The following ANKRD44 variants were observed in gnomAD, a reference collection of about 807,000 sequenced individuals.
The protein encoded by ANKRD44 is ankyrin repeat domain 44.
Under a neutral mutation model 116.0 loss-of-function variants are expected in ANKRD44, and 35 were observed. The ratio of observed to expected loss-of-function variants is 0.30; its 90% confidence interval spans 0.23 to 0.40. The LOEUF (loss-of-function observed/expected upper bound fraction) is 0.40, where lower values mean the gene tolerates loss of function less well. Among genes scored for constraint, ANKRD44 ranks in the 10% least tolerant of loss-of-function variants. The pLI, the probability that ANKRD44 is intolerant of heterozygous loss-of-function variation, is 1.00. For missense variants in ANKRD44, 1,014 were observed against 1,242.6 expected, an observed-to-expected ratio of 0.82 and a Z score of 2.77; for synonymous variants, 435 against 461.8, an observed-to-expected ratio of 0.94 and a Z score of 0.74.
chr2:197,287,878 G>A (rs543991223), intron 1 of ANKRD44, among the ~76,000 whole-genome samples: 12 of 151,852 alleles, frequency 7.9e-5, no homozygotes, highest in African/African-American at 2.2e-4. Flanking sequence ...AAATTAGCCC[G>A]GTGTGGTGGC....
At chr2:197,297,561 T>C (rs190230348) in intron 1 of ANKRD44, among the ~76,000 whole-genome samples, 77 of 152,308 alleles carry the variant, frequency 5.1e-4, no homozygotes, top group Middle Eastern at 6.8e-3. Flanking sequence ...AAGTATTATT[T>C]TACCCATCTT....
intron 9 of ANKRD44, among the ~76,000 whole-genome samples, chr2:197,106,821 T>C (rs1336705877): frequency 6.8e-6 from 1 of 147,930 alleles, no homozygotes; most frequent in African/African-American, 2.5e-5. Context: ...TTTTTTTTTT[T>C]CAGGAAAACA....
chr2:197,095,221 T>G (rs1338154064), intron 10 of ANKRD44, among the ~76,000 whole-genome samples: 2 of 152,252 alleles, frequency 1.3e-5, no homozygotes, highest in African/African-American at 4.8e-5. Flanking sequence ...GAGTGGCCCT[T>G]TATCACCACA....
rs566855003 is a variant in ANKRD44, at chr2:197,223,372, G to T, written c.28-36266C>A. ...CCATAAATAATGTAGTTTTTTAAAG[G>T]TTTACATAAATGGATTTAGAGGGCA... is the stretch of plus-strand genomic sequence containing the variant. On this transcript the variant is annotated intron_variant, in intron 1 of 27. Coordinates refer to ENST00000282272, the MANE Select transcript of ANKRD44 (RefSeq NM_001195144.2). Among the ~76,000 whole-genome samples the T allele has an allele frequency of 7.9e-5, 12 of 152,244 alleles. No homozygotes were observed. In the East Asian group the frequency reaches 2.1e-3, roughly 27 times the overall value.
intron 2 of ANKRD44, among the ~76,000 whole-genome samples, chr2:197,184,124 C>T (rs2080588004): frequency 6.6e-6 from 1 of 152,192 alleles, no homozygotes; most frequent in Non-Finnish European, 1.5e-5. Context: ...ATGAATAAGA[C>T]ATCTCCCAGA....
intron 10 of ANKRD44, among the ~76,000 whole-genome samples, chr2:197,094,564 C>T (rs1301304682): frequency 2.6e-5 from 4 of 152,148 alleles, no homozygotes; most frequent in African/African-American, 7.2e-5. Flanking sequence ...GAATCATGAT[C>T]GGTTAACATT....
intron 16 of ANKRD44, among the ~76,000 whole-genome samples, chr2:197,060,463 A>G (rs1053749954): frequency 6.6e-6 from 1 of 152,212 alleles, no homozygotes; most frequent in Non-Finnish European, 1.5e-5. Flanking sequence ...ATATGTGTAC[A>G]TTGTGAAATG....
intron 17 of ANKRD44, among the ~76,000 whole-genome samples, chr2:197,019,253 C>T (rs1461669463): frequency 1.3e-5 from 2 of 152,202 alleles, no homozygotes; most frequent in Non-Finnish European, 2.9e-5. Context: ...CACACAATGC[C>T]TGGCTTGAGA....
intron 1 of ANKRD44, among the ~76,000 whole-genome samples, chr2:197,240,360 G>C (rs929826451): frequency 8.4e-6 from 1 of 119,032 alleles, no homozygotes; most frequent in African/African-American, 3.4e-5. Context: ...GGGTGACAGA[G>C]CAAGGCTCCA....
At chr2:197,141,798 T>G (rs1238251325) in intron 3 of ANKRD44, among the ~76,000 whole-genome samples, 1 of 152,236 alleles carries the variant, frequency 6.6e-6, no homozygotes, top group Non-Finnish European at 1.5e-5. Flanking sequence ...AAGCATTTCA[T>G]CAGTGTCATC....
chr2:197,211,676 C>G (rs995164576), intron 1 of ANKRD44, among the ~76,000 whole-genome samples: 1 of 152,026 alleles, frequency 6.6e-6, no homozygotes, highest in Non-Finnish European at 1.5e-5. Context: ...TCGAGGGGCA[C>G]AAGAATCTTG....
chr2:197,246,227 C>T (rs1044321900), intron 1 of ANKRD44, among the ~76,000 whole-genome samples: 3 of 151,956 alleles, frequency 2.0e-5, no homozygotes, highest in African/African-American at 7.3e-5. Flanking sequence ...CACTCTGTCA[C>T]CCAGGCTGGA....
Position 197,147,004 on chromosome 2 carries a change from T to C in ANKRD44, c.190+23A>G, listed in dbSNP as rs2272408. The C allele has an allele frequency of 3.3e-3, 5,238 of 1,607,676 alleles. 31 individuals carry two copies. Among genetic ancestry groups the C allele is most frequent in the East Asian group, 0.014 (619 of 44,784 alleles). On this transcript the variant is annotated intron_variant, in intron 3 of 27. Transcript: ENST00000282272. ...ATTTAAATTTTTATTTGCAATTGACTTTTGAGTATAGCAGTTATTTACCTG... is the reference window on the plus strand; with the variant it reads ...ATTTAAATTTTTATTTGCAATTGACCTTTGAGTATAGCAGTTATTTACCTG...
chr2:196,976,545 T>C (rs2075761729), intron 21 of ANKRD44, among the ~76,000 whole-genome samples: 1 of 152,156 alleles, frequency 6.6e-6, no homozygotes, highest in Non-Finnish European at 1.5e-5. Context: ...AGATGACATG[T>C]AGAAAATTTT....
At chr2:197,153,376 G>C (rs543094100) in intron 2 of ANKRD44, among the ~76,000 whole-genome samples, 1 of 152,138 alleles carries the variant, frequency 6.6e-6, no homozygotes, top group South Asian at 2.1e-4. Context: ...TGACAACCTA[G>C]GCCCAACTAC....
intron 16 of ANKRD44, among the ~76,000 whole-genome samples, chr2:197,050,825 G>A (rs749525980): frequency 5.3e-5 from 8 of 152,112 alleles, no homozygotes; most frequent in South Asian, 2.1e-4. Flanking sequence ...TTGGTAAGCC[G>A]TCAGGTTATT....
At chr2:197,015,692 T>G (rs2076378457) in intron 17 of ANKRD44, 1 of 551,982 alleles carries the variant, frequency 1.8e-6, no homozygotes, top group South Asian at 2.0e-5. Context: ...TGTAATGGAT[T>G]TGGAGGTGAT....
At chr2:197,246,153 C>G (rs2082185766) in intron 1 of ANKRD44, among the ~76,000 whole-genome samples, 1 of 152,038 alleles carries the variant, frequency 6.6e-6, no homozygotes, top group Admixed American at 6.6e-5. Context: ...TGACTGTGCC[C>G]TGCCTACCTA....
chr2:197,122,572 C>T (rs2078880400), intron 7 of ANKRD44, 78 bp downstream of exon 7: 4 of 1,512,252 alleles, frequency 2.6e-6, no homozygotes, highest in Non-Finnish European at 3.6e-6. Flanking sequence ...AATTAAAGTG[C>T]AAACAGGATT....
Sources: allele counts gnomAD v4.1 joint callset (sites outside exome capture counted in the v4.1 genomes callset), GRCh38; gene constraint gnomAD v4.1.1; transcripts MANE v1.5; gene names NCBI Gene and HGNC (gene_info 2026-07-23, HGNC 2026-07-21).